The following AFF1 variants were observed in gnomAD, a reference collection of about 807,000 sequenced individuals.
AFF1 encodes ALF transcription elongation factor 1.
AFF1 carries 48 observed loss-of-function variants against 121.7 expected under a neutral mutation model. That is an observed-to-expected ratio of 0.39 (90% CI 0.31 to 0.50). The LOEUF is 0.50. Ranked by LOEUF, AFF1 falls within the 20% of genes least tolerant of loss-of-function variation. The pLI is 0.76. For synonymous variants in AFF1, 613 were observed against 563.0 expected, an observed-to-expected ratio of 1.09 and a Z score of -1.26; for missense variants, 1,523 against 1,511.7, an observed-to-expected ratio of 1.01 and a Z score of -0.12.
chr4:87,030,919 CTGAGGCCCCAGT>C (rs1019995150), intron 2 of AFF1, among the ~76,000 whole-genome samples: 3 of 152,242 alleles, frequency 2.0e-5, no homozygotes, highest in African/African-American at 4.8e-5. Flanking sequence ...GTGTGATCAT[CTGAGGCCCCAGT>C]TGAGTGCATT....
At chr4:86,954,520 A>G (rs1035771204) in intron 2 of AFF1, among the ~76,000 whole-genome samples, 3 of 152,118 alleles carry the variant, frequency 2.0e-5, no homozygotes, top group Non-Finnish European at 4.4e-5. Context: ...CCAGGAATTC[A>G]TTCGAGACCA....
At chr4:87,110,001 T>C (rs1021611673) in intron 11 of AFF1, among the ~76,000 whole-genome samples, 2 of 152,206 alleles carry the variant, frequency 1.3e-5, no homozygotes, top group Non-Finnish European at 2.9e-5. Flanking sequence ...ATCTCTTTCC[T>C]TTTACAATAA....
At position 87,135,999 on chromosome 4, in the gene AFF1, A is replaced by AT. The variant is rs939816222; in HGVS notation, c.*308dup. On this transcript the variant is annotated 3_prime_UTR_variant, in exon 21 of 21. Transcript: ENST00000395146. ...GTATGAATGGTCTAGAAACATTTCTATTTTTTTTTTAAACCAGCAGGATAC... is the reference window on the plus strand; with the variant it reads ...GTATGAATGGTCTAGAAACATTTCTATTTTTTTTTTTAAACCAGCAGGATAC... 813 of 289,658 alleles carry AT rather than the reference A, an allele frequency of 2.8e-3. 3 individuals carry two copies. The highest frequency in any genetic ancestry group is 6.1e-3 in the African/African-American group (281 of 46,050). The allele number at this position is 289,658 out of a possible 1,614,324, so 17.9% of individuals were successfully genotyped here.
chr4:87,017,415 T>A (rs1349226409), intron 2 of AFF1, among the ~76,000 whole-genome samples: 1 of 152,196 alleles, frequency 6.6e-6, no homozygotes, highest in East Asian at 1.9e-4. Context: ...TTCTTTATTG[T>A]ATTTTGTAAA....
chr4:87,016,966 T>C (rs1191218070), intron 2 of AFF1, among the ~76,000 whole-genome samples: 1 of 152,200 alleles, frequency 6.6e-6, no homozygotes, highest in Non-Finnish European at 1.5e-5. Context: ...TATTACTGAA[T>C]AGTATTCTGT....
chr4:86,954,753 T>C (rs756632176), intron 2 of AFF1, among the ~76,000 whole-genome samples: 39 of 152,022 alleles, frequency 2.6e-4, no homozygotes, highest in Non-Finnish European at 1.2e-4. Flanking sequence ...ATAAAATGTA[T>C]TTACTGTTCA....
intron 12 of AFF1, among the ~76,000 whole-genome samples, chr4:87,117,584 A>G (rs1727253808): frequency 6.6e-6 from 1 of 152,252 alleles, no homozygotes; most frequent in South Asian, 2.1e-4. Flanking sequence ...CCAAGAGCAT[A>G]CAAAGCTAGT....
Position 87,047,514 on chromosome 4 carries a change from C to G in AFF1, c.979C>G (p.Gln327Glu), listed in dbSNP as rs780163946. The G allele has an allele frequency of 6.2e-7, 1 of 1,614,196 alleles. No individual in the cohort carries two copies. The highest frequency in any genetic ancestry group is 8.5e-7 in the Non-Finnish European group (1 of 1,180,048). The change falls in exon 4 of 21, where the codon CAG becomes GAG. Residue 327 changes from glutamine to glutamate, a missense_variant. Transcript: ENST00000395146. ...ACCACTGCCGGAGGACTATCGACAG[C>G]AGACCTTTGAAAAAACAGACTTGAA... ...LKPLPEDYRQQTFEKTDLKVP... is the reference protein window; with the variant it reads ...LKPLPEDYRQETFEKTDLKVP...
At chr4:87,065,581 C>A (rs1288188955) in intron 4 of AFF1, among the ~76,000 whole-genome samples, 1 of 151,638 alleles carries the variant, frequency 6.6e-6, no homozygotes. Context: ...TGACGCAGTG[C>A]CGCTATCAAA....
rs1729582906 is a variant in AFF1, at chr4:87,139,826, T to C, written c.*4125T>C. The C allele has an allele frequency of 8.9e-6, 2 of 225,606 alleles. No individual in the cohort carries two copies. The highest frequency in any genetic ancestry group is 3.7e-4 in the South Asian group (2 of 5,440). 14.0% of individuals were successfully genotyped at this position (225,606 alleles called of 1,614,324 possible). On this transcript the variant is annotated 3_prime_UTR_variant, in exon 21 of 21. Coordinates refer to ENST00000395146, the MANE Select transcript of AFF1 (RefSeq NM_001166693.3). ...GTGAACCTCAAATATGCAATCCAGT[T>C]GTGTTGGTTTCTCGGTGACTTGGAG...
chr4:87,006,202 T>C (rs1009233201), intron 2 of AFF1, among the ~76,000 whole-genome samples: 1 of 152,222 alleles, frequency 6.6e-6, no homozygotes, highest in Non-Finnish European at 1.5e-5. Context: ...GAGTCCACAG[T>C]GCAGGCAGTT....
chr4:86,996,486 C>T (rs1282770457), intron 2 of AFF1, among the ~76,000 whole-genome samples: 18 of 151,548 alleles, frequency 1.2e-4, no homozygotes, highest in African/African-American at 3.9e-4. Context: ...GGATTAAGGG[C>T]GGTGCAAGAT....
intron 2 of AFF1, among the ~76,000 whole-genome samples, chr4:87,025,666 A>G (rs1728458378): frequency 6.6e-6 from 1 of 152,114 alleles, no homozygotes; most frequent in Non-Finnish European, 1.5e-5. Context: ...GGGGTGTGCT[A>G]CCATCATCTC....
intron 2 of AFF1, among the ~76,000 whole-genome samples, chr4:86,965,681 A>G (rs566331815): frequency 2.0e-5 from 3 of 152,320 alleles, no homozygotes; most frequent in African/African-American, 4.8e-5. Flanking sequence ...TACTTGGCTC[A>G]GTCAGTCTGC....
chr4:86,961,163 C>T (rs1722114058), intron 2 of AFF1, among the ~76,000 whole-genome samples: 1 of 152,136 alleles, frequency 6.6e-6, no homozygotes, highest in Admixed American at 6.5e-5. Flanking sequence ...TTCATGAGTA[C>T]AGATACCCAT....
chr4:86,957,577 CTG>C (rs993474039), intron 2 of AFF1, among the ~76,000 whole-genome samples: 3 of 152,110 alleles, frequency 2.0e-5, no homozygotes, highest in Non-Finnish European at 4.4e-5. Flanking sequence ...GAATCTCACT[CTG>C]TTGCCCAGGC....
chr4:86,996,804 C>T (rs1335218474), intron 2 of AFF1, among the ~76,000 whole-genome samples: 1 of 152,226 alleles, frequency 6.6e-6, no homozygotes, highest in Non-Finnish European at 1.5e-5. Context: ...AAGGTGGAGC[C>T]TTTAAGAGGT....
intron 2 of AFF1, among the ~76,000 whole-genome samples, chr4:87,011,255 A>G (rs1454544063): frequency 6.6e-6 from 1 of 152,188 alleles, no homozygotes; most frequent in African/African-American, 2.4e-5. Context: ...GGATTTATAG[A>G]CAAACTGCAG....
At chr4:87,034,868 C>T (rs1265947723) in intron 2 of AFF1, among the ~76,000 whole-genome samples, 1 of 152,168 alleles carries the variant, frequency 6.6e-6, no homozygotes, top group Non-Finnish European at 1.5e-5. Context: ...AATTCTGAAT[C>T]ATTGGAAATT....
Sources: gnomAD v4.1 joint callset for allele counts (sites outside exome capture counted in the v4.1 genomes callset) on GRCh38, gnomAD v4.1.1 for gene constraint, MANE v1.5 for transcripts, NCBI Gene and HGNC (gene_info 2026-07-23, HGNC 2026-07-21) for gene names.